The following NSF variants were observed in gnomAD, a reference collection of about 807,000 sequenced individuals.
NSF encodes N-ethylmaleimide sensitive factor, vesicle fusing ATPase, also known as vesicle-fusing ATPase.
In NSF, 14 loss-of-function variants were observed where a neutral mutation model predicts 50.3. That is an observed-to-expected ratio of 0.28 (90% CI 0.18 to 0.44). NSF has a LOEUF of 0.44. Ranked by LOEUF, NSF falls within the 20% of genes least tolerant of loss-of-function variation. The pLI, the probability that NSF is intolerant of heterozygous loss-of-function variation, is 1.00. For synonymous variants in NSF, 109 were observed against 175.7 expected (o/e 0.62, Z 3.00); for missense variants, 218 against 504.3 (o/e 0.43, Z 5.44).
intron 4 of NSF, among the ~76,000 whole-genome samples, chr17:46,630,968 C>A (rs1406617352): frequency 7.3e-6 from 1 of 137,478 alleles, no homozygotes; most frequent in Admixed American, 7.6e-5. Context: ...CGAAGAATTT[C>A]TGTATACTAC....
rs183211 is a variant in NSF at position 46,710,944 on chromosome 17, G to A, written c.1471-19G>A. ...TAACACTAAGGCTCAAAATGCTTTA[G>A]ACTCCTTTTTCTTAATAGGCCTTTG... On this transcript the variant is annotated intron_variant, in intron 13 of 20. Coordinates refer to ENST00000398238, the MANE Select transcript of NSF (RefSeq NM_006178.4). The A allele has an allele frequency of 0.26, 401,263 of 1,567,776 alleles. 58,456 individuals carry two copies. The highest frequency in any genetic ancestry group is 0.66 in the East Asian group (27,640 of 41,930).
chr17:46,755,721 GAT>G (rs2059226492), intron 20 of NSF, 79 bp from the exon 21 acceptor site: 2 of 1,030,736 alleles, frequency 1.9e-6, no homozygotes, highest in Non-Finnish European at 1.4e-6. Context: ...AGCTTTTAGT[GAT>G]TTTTTTTTTT....
intron 19 of NSF, 114 bp downstream of exon 19, chr17:46,751,730 A>G (rs1157514284): frequency 1.5e-5 from 9 of 608,142 alleles, no homozygotes; most frequent in Non-Finnish European, 5.5e-6. Context: ...TGATTTTCTT[A>G]TATTATTTCC....
intron 15 of NSF, chr17:46,722,222 C>T (rs900663341): frequency 4.3e-6 from 6 of 1,399,894 alleles, no homozygotes; most frequent in Admixed American, 3.4e-5. Context: ...CCAAATCTCG[C>T]GAGAGCACGT....
intron 17 of NSF, among the ~76,000 whole-genome samples, chr17:46,731,370 G>T (rs1244353887): frequency 1.3e-5 from 2 of 152,122 alleles, no homozygotes; most frequent in Admixed American, 1.3e-4. Context: ...CTGCTAATGG[G>T]TATGGGGTTT....
intron 7 of NSF, among the ~76,000 whole-genome samples, chr17:46,642,501 TTTTGTC>T: frequency 2.9e-5 from 4 of 135,758 alleles, no homozygotes; most frequent in Non-Finnish European, 4.5e-5. Flanking sequence ...GTTAGATAAT[TTTTGTC>T]CTCTTGAGAA....
At chr17:46,737,627 ACTGGTGTCC>A in intron 17 of NSF, among the ~76,000 whole-genome samples, 1 of 151,644 alleles carries the variant, frequency 6.6e-6, no homozygotes, top group East Asian at 1.9e-4. Context: ...GCAGAAGCTA[ACTGGTGTCC>A]CTGTCACAAT....
At chr17:46,733,935 C>T (rs148641752) in intron 17 of NSF, among the ~76,000 whole-genome samples, 1 of 152,286 alleles carries the variant, frequency 6.6e-6, no homozygotes, top group East Asian at 1.9e-4. Flanking sequence ...AGAAATACAG[C>T]TTAAAGCTTG....
intron 16 of NSF, 30 bp from the exon 17 acceptor site, chr17:46,728,825 T>A (rs758080952): frequency 1.4e-6 from 2 of 1,461,866 alleles, no homozygotes; most frequent in South Asian, 2.4e-5. Context: ...GTGTATCAAA[T>A]CCCTAAACAT....
chr17:46,734,437 T>TA (rs2058980251), intron 17 of NSF, among the ~76,000 whole-genome samples: 1 of 152,184 alleles, frequency 6.6e-6, no homozygotes, highest in Admixed American at 6.5e-5. Context: ...GCCTTCTTAG[T>TA]AAGTCAGTGA....
At chr17:46,752,120 C>T (rs1197164499) in intron 19 of NSF, among the ~76,000 whole-genome samples, 1 of 152,168 alleles carries the variant, frequency 6.6e-6, no homozygotes, top group Non-Finnish European at 1.5e-5. Flanking sequence ...TATATTTGTC[C>T]CTGGCTGGGC....
intron 15 of NSF, chr17:46,721,493 T>C (rs1176042499): frequency 2.5e-6 from 2 of 807,790 alleles, no homozygotes; most frequent in Non-Finnish European, 4.1e-6. Context: ...TTACCTGTTC[T>C]ACAGGAAACT....
At chr17:46,718,211 G>A (rs2058793504) in intron 15 of NSF, among the ~76,000 whole-genome samples, 1 of 152,190 alleles carries the variant, frequency 6.6e-6, no homozygotes, top group Non-Finnish European at 1.5e-5. Context: ...CCCAGTGAGT[G>A]CCAAAGGGCA....
chr17:46,691,636 AGATTTAATG>A (rs1346121307), intron 9 of NSF, among the ~76,000 whole-genome samples: 3 of 151,868 alleles, frequency 2.0e-5, no homozygotes, highest in East Asian at 1.9e-4. Context: ...TCCTTATCGG[AGATTTAATG>A]GATACTAACC....
intron 13 of NSF, 35 bp from the exon 14 acceptor site, chr17:46,710,928 G>A (rs1246247400): frequency 8.4e-6 from 13 of 1,551,314 alleles, no homozygotes; most frequent in Middle Eastern, 2.1e-4. Context: ...TTAACACTAA[G>A]GCTCAAAATG....
At chr17:46,708,031 C>T (rs370897687) in intron 13 of NSF, among the ~76,000 whole-genome samples, 1 of 85,558 alleles carries the variant, frequency 1.2e-5, no homozygotes, top group Non-Finnish European at 2.6e-5. Context: ...GACCCTGTCT[C>T]AAAAAAAAAA....
chr17:46,755,364 A>AGGAGC lies in NSF; in HGVS notation c.2210_2213+1dup. 6.2e-7 allele frequency: 1 copy of AGGAGC among 1,612,758 alleles called. No homozygotes were observed. The highest frequency in any genetic ancestry group is 8.5e-7 in the Non-Finnish European group (1 of 1,178,678). On this transcript the variant is annotated frameshift_variant, in exon 20 of 21. Transcript: ENST00000398238. LOFTEE classifies it high-confidence loss of function. Reference sequence around the variant, plus strand: ...AATTCTTGGCCCTCTTAAGAGAAGAAGGAGCGTAAGTACATACAACATTTA... The same window carrying AGGAGC: ...AATTCTTGGCCCTCTTAAGAGAAGAAGGAGCGGAGCGTAAGTACATACAACATTTA...
Position 46,755,980 on chromosome 17 carries a change from T to C in NSF, c.*157T>C. 3 of 662,554 alleles carry C rather than the reference T, an allele frequency of 4.5e-6. No individual in the cohort carries two copies. The highest frequency in any genetic ancestry group is 2.5e-4 in the Middle Eastern group (1 of 4,022). 41.0% of individuals were successfully genotyped at this position (662,554 alleles called of 1,614,324 possible). Reference sequence around the variant, plus strand: ...CATGATTAGTGCAATAAAACTCCCTTCCTTATGCATACTGAGATAGCTTAG... The same window carrying C: ...CATGATTAGTGCAATAAAACTCCCTCCCTTATGCATACTGAGATAGCTTAG... On this transcript the variant is annotated 3_prime_UTR_variant, in exon 21 of 21. Coordinates refer to ENST00000398238, the MANE Select transcript of NSF (RefSeq NM_006178.4).
intron 19 of NSF, among the ~76,000 whole-genome samples, chr17:46,754,660 C>T (rs768779957): frequency 1.3e-5 from 2 of 152,156 alleles, no homozygotes; most frequent in Non-Finnish European, 2.9e-5. Context: ...CTAATAATAA[C>T]GACCTGAACG....
Sources: gnomAD v4.1 joint callset for allele counts (sites outside exome capture counted in the v4.1 genomes callset) on GRCh38, gnomAD v4.1.1 for gene constraint, MANE v1.5 for transcripts, NCBI Gene and HGNC (gene_info 2026-07-23, HGNC 2026-07-21) for gene names.